ZFHX3: variants seen among roughly 807,000 people sequenced by gnomAD.
ZFHX3 encodes zinc finger homeobox protein 3.
In ZFHX3, 42 loss-of-function variants were observed where a neutral mutation model predicts 279.1. That is an observed-to-expected ratio of 0.15 (90% CI 0.12 to 0.19). ZFHX3 has a LOEUF of 0.19. Ranked by LOEUF, ZFHX3 falls within the 10% of genes least tolerant of loss-of-function variation. The probability of loss-of-function intolerance (pLI) is 1.00; values close to 1 mark genes in which losing one functional copy is unlikely to be tolerated. For synonymous variants in ZFHX3, 2,293 were observed against 1,957.8 expected, an observed-to-expected ratio of 1.17 and a Z score of -4.52; for missense variants, 4,981 against 4,754.0, an observed-to-expected ratio of 1.05 and a Z score of -1.40.
chr16:73,869,578 T>C (rs547861134), intron 1 of ZFHX3, among the ~76,000 whole-genome samples: 96 of 152,356 alleles, frequency 6.3e-4, no homozygotes, highest in African/African-American at 2.3e-3. Context: ...TATTTGTGTA[T>C]TTGCATGACT....
chr16:73,392,418 CAAAAAAAAAAAA>C (rs35019692), intron 3 of ZFHX3, among the ~76,000 whole-genome samples: 2 of 35,798 alleles, frequency 5.6e-5, no homozygotes, highest in African/African-American at 1.2e-4. Context: ...GACCCTGTCT[CAAAAAAAAAAAA>C]AAAAAAAAAA....
intron 2 of ZFHX3, among the ~76,000 whole-genome samples, chr16:73,606,306 G>A (rs1165346400): frequency 1.3e-5 from 2 of 149,626 alleles, no homozygotes; most frequent in African/African-American, 2.5e-5. Context: ...TCAGGAGTCC[G>A]AGACCAGCCT....
In ZFHX3 at chr16:72,795,063, G is replaced by A. The variant is rs755878473; in HGVS notation, c.7619C>T (p.Pro2540Leu). The stretch of plus-strand genomic sequence containing the variant: ...ATGCTCCTGCCAGTGCTCAAATGAC[G>A]GAAATGCCAACTTACACTGGTCACA... ...YQCDQCKLAF[P>L]SFEHWQEHQQ... The change falls in exon 9 of 10, where the codon CCG becomes CTG. Residue 2540 changes from proline (P) to leucine (L), a missense_variant. By Grantham distance (98) the Pro-to-Leu change is moderately conservative. Transcript: ENST00000268489. 1.1e-5 allele frequency: 18 copies of A among 1,614,004 alleles called. No homozygotes were observed. Among genetic ancestry groups the A allele is most frequent in the Middle Eastern group, 1.6e-4 (1 of 6,084 alleles).
At chr16:73,853,387 A>G (rs1161732794) in intron 1 of ZFHX3, among the ~76,000 whole-genome samples, 1 of 152,190 alleles carries the variant, frequency 6.6e-6, no homozygotes, top group East Asian at 1.9e-4. Context: ...ACTACAGCAC[A>G]ATTCCCATAG....
chr16:73,155,428 C>T (rs1967054478), intron 5 of ZFHX3, among the ~76,000 whole-genome samples: 1 of 152,120 alleles, frequency 6.6e-6, no homozygotes, highest in Non-Finnish European at 1.5e-5. Context: ...TCAGCCCTTG[C>T]CCCAATCCCT....
intron 3 of ZFHX3, among the ~76,000 whole-genome samples, chr16:73,454,288 A>C (rs1293592534): frequency 2.0e-5 from 3 of 152,156 alleles, no homozygotes; most frequent in African/African-American, 7.2e-5. Context: ...TTTATTCTAG[A>C]GAGAAAATCC....
chr16:72,936,129 AAATGACCTGGGCTGCAGAAGCTCTGC>A (rs2144321813), intron 3 of ZFHX3, among the ~76,000 whole-genome samples: 1 of 152,316 alleles, frequency 6.6e-6, no homozygotes, highest in South Asian at 2.1e-4. Context: ...AGCTGATGGT[AAATGACCTGGGCTGCAGAAGCTCTGC>A]AATGACCTGG....
intron 2 of ZFHX3, among the ~76,000 whole-genome samples, chr16:73,575,017 T>C (rs1270640168): frequency 6.6e-6 from 1 of 152,214 alleles, no homozygotes; most frequent in African/African-American, 2.4e-5. Flanking sequence ...CCATATGCTC[T>C]TTTAAATGGT....
intron 3 of ZFHX3, among the ~76,000 whole-genome samples, chr16:73,366,835 G>A (rs981111274): frequency 5.3e-5 from 8 of 152,148 alleles, no homozygotes; most frequent in African/African-American, 1.9e-4. Context: ...AGACTATAGA[G>A]GAAAGTTCAA....
chr16:73,683,070 G>A (rs1423521828), intron 1 of ZFHX3, among the ~76,000 whole-genome samples: 2 of 152,154 alleles, frequency 1.3e-5, no homozygotes, highest in Non-Finnish European at 2.9e-5. Context: ...TTTGAAGATA[G>A]ACTATACATC....
rs1206165906 is a variant in ZFHX3, at chr16:73,066,387, G to C, written c.-532-7375C>G. On this transcript the variant is annotated intron_variant, in intron 8 of 17. Transcript: ENST00000641206. ...ATCCCAGTTCACGGAGCCAGCGTGC[G>C]CGTCCCTAATGCCCGGCACACCCAT... Among the ~76,000 whole-genome samples, 3 of 152,136 alleles carry C rather than the reference G, an allele frequency of 2.0e-5. 1 individual carries two copies. The highest frequency in any genetic ancestry group is 6.5e-5 in the Admixed American group (1 of 15,280).
At chr16:73,759,378 G>T (rs1197438339) in intron 1 of ZFHX3, among the ~76,000 whole-genome samples, 1 of 152,066 alleles carries the variant, frequency 6.6e-6, no homozygotes, top group Non-Finnish European at 1.5e-5. Context: ...CCTGGAAGTT[G>T]CACATATCAC....
chr16:73,298,612 C>T (rs1305764600), intron 4 of ZFHX3, among the ~76,000 whole-genome samples: 2 of 151,462 alleles, frequency 1.3e-5, no homozygotes, highest in East Asian at 1.9e-4. Context: ...GACTTCTGGG[C>T]CTTACCAAGT....
At chr16:73,114,916 C>G (rs1296778369) in intron 7 of ZFHX3, among the ~76,000 whole-genome samples, 1 of 152,092 alleles carries the variant, frequency 6.6e-6, no homozygotes, top group Non-Finnish European at 1.5e-5. Flanking sequence ...CCTCAGCCTC[C>G]CAAGCTGTAG....
Position 73,374,442 on chromosome 16 carries a change from T to C in ZFHX3, c.-1290-56106A>G, listed in dbSNP as rs533883899. Among the ~76,000 whole-genome samples the C allele has an allele frequency of 1.1e-4, 16 of 152,274 alleles. No homozygotes were observed. The South Asian group carries it at 1.9e-3, about 18-fold the overall frequency. ...TCCCACTCTCCTTCACTTTATTATT[T>C]TGAAACAAATCTCAGACTTACCATT... On this transcript the variant is annotated intron_variant, in intron 3 of 17. Transcript: ENST00000641206.
chr16:73,180,733 G>A (rs1597206769), intron 5 of ZFHX3, among the ~76,000 whole-genome samples: 1 of 151,974 alleles, frequency 6.6e-6, no homozygotes, highest in African/African-American at 2.4e-5. Context: ...TGCTATCTCA[G>A]CTCACTGCAA....
chr16:73,054,119 G>C (rs1040026036), intron 1 of ZFHX3, among the ~76,000 whole-genome samples: 11 of 152,116 alleles, frequency 7.2e-5, no homozygotes, highest in African/African-American at 2.2e-4. Flanking sequence ...TGCCCCCTCT[G>C]CTGATCCTTA....
chr16:72,916,808 C>A (rs903143457), intron 3 of ZFHX3, among the ~76,000 whole-genome samples: 3 of 152,128 alleles, frequency 2.0e-5, no homozygotes, highest in Non-Finnish European at 4.4e-5. Context: ...AATAGAGGAA[C>A]CCCTATCTCA....
intron 1 of ZFHX3, among the ~76,000 whole-genome samples, chr16:73,054,387 G>C (rs1965506480): frequency 7.8e-6 from 1 of 127,492 alleles, no homozygotes; most frequent in African/African-American, 3.1e-5. Context: ...CCTACTTTCT[G>C]ACGTGCAATC....
Sources: allele counts gnomAD v4.1 joint callset (sites outside exome capture counted in the v4.1 genomes callset), GRCh38; gene constraint gnomAD v4.1.1; transcripts MANE v1.5; gene names NCBI Gene and HGNC (gene_info 2026-07-23, HGNC 2026-07-21).